Variants in EPM2A observed in about 807,000 individuals in gnomAD.
The protein encoded by EPM2A is EPM2A glucan phosphatase, laforin, also known as laforin.
Under a neutral mutation model 26.5 loss-of-function variants are expected in EPM2A, and 21 were observed. The ratio of observed to expected loss-of-function variants is 0.79; its 90% CI spans 0.56 to 1.14. The LOEUF is 1.14. Ranked by LOEUF, EPM2A falls within the 50% of genes most tolerant of loss-of-function variation. EPM2A has a pLI of 0.00. For synonymous variants in EPM2A, 217 were observed against 177.6 expected (o/e 1.22, Z -1.76); for missense variants, 458 against 440.8 (o/e 1.04, Z -0.35).
At chr6:145,492,300 G>A (rs1019035493) in intron 4 of EPM2A, among the ~76,000 whole-genome samples, 1 of 152,148 alleles carries the variant, frequency 6.6e-6, no homozygotes, top group Admixed American at 6.5e-5. Flanking sequence ...AGGAGCTGGG[G>A]TGAGTGCTTT....
chr6:145,547,843 G>T (rs984451920), intron 2 of EPM2A, among the ~76,000 whole-genome samples: 8 of 151,786 alleles, frequency 5.3e-5, no homozygotes, highest in Non-Finnish European at 8.8e-5. Flanking sequence ...CACTACCTTG[G>T]GTCATCAAGA....
chr6:145,734,824 G>T (rs118049119), intron 1 of EPM2A: 1,721 of 155,764 alleles, frequency 0.011, 16 homozygotes, highest in Admixed American at 0.017. Flanking sequence ...AGGGGCACTC[G>T]GAGGGCGAAG....
At chr6:145,662,062 G>GGA (rs1778755861) in intron 2 of EPM2A, among the ~76,000 whole-genome samples, 1 of 152,010 alleles carries the variant, frequency 6.6e-6, no homozygotes, top group Admixed American at 6.6e-5. Context: ...AAAGGAAATG[G>GGA]GTTTTTGAAA....
intron 1 of EPM2A, among the ~76,000 whole-genome samples, chr6:145,715,570 C>T (rs1002455611): frequency 2.6e-5 from 4 of 152,178 alleles, no homozygotes; most frequent in African/African-American, 9.7e-5. Context: ...GGAATCAGGT[C>T]ACACAGCAGG....
intron 1 of EPM2A, among the ~76,000 whole-genome samples, chr6:145,713,327 T>C (rs1335747702): frequency 4.6e-5 from 7 of 152,214 alleles, no homozygotes; most frequent in Non-Finnish European, 1.5e-5. Context: ...TTTAAAAACC[T>C]GGACCCTTTC....
intron 2 of EPM2A, among the ~76,000 whole-genome samples, chr6:145,548,772 T>C (rs1395727896): frequency 6.6e-6 from 1 of 152,082 alleles, no homozygotes; most frequent in African/African-American, 2.4e-5. Flanking sequence ...AGAGCTAAAC[T>C]CGGCTCTCAC....
intron 2 of EPM2A, 25 bp downstream of exon 2, chr6:145,686,097 C>T (rs985955792): frequency 2.5e-6 from 4 of 1,590,878 alleles, no homozygotes; most frequent in Non-Finnish European, 3.5e-6. Flanking sequence ...TACTTCTATG[C>T]CTATAAATAT....
chr6:145,618,560 G>A (rs1775564023), intron 2 of EPM2A, among the ~76,000 whole-genome samples: 1 of 152,176 alleles, frequency 6.6e-6, no homozygotes, highest in African/African-American at 2.4e-5. Flanking sequence ...GTTCTCATGA[G>A]ATCTGATGGT....
chr6:145,578,777 C>T (rs1781071700), intron 2 of EPM2A, among the ~76,000 whole-genome samples: 1 of 152,022 alleles, frequency 6.6e-6, no homozygotes, highest in South Asian at 2.1e-4. Flanking sequence ...ATGTAAACTC[C>T]ATGAAGTCAT....
intron 2 of EPM2A, among the ~76,000 whole-genome samples, chr6:145,515,967 G>A (rs1466128941): frequency 6.6e-6 from 1 of 152,160 alleles, no homozygotes; most frequent in East Asian, 1.9e-4. Context: ...TTTAAGGATT[G>A]CTAGACATTG....
chr6:145,452,681 T>G (rs1348408608), intron 4 of EPM2A, among the ~76,000 whole-genome samples: 2 of 25,070 alleles, frequency 8.0e-5, no homozygotes, highest in Admixed American at 5.9e-4. Context: ...AGAGCAAGAC[T>G]CTGTCTCAAA....
chr6:145,517,208 T>G (rs1300151748), intron 2 of EPM2A, among the ~76,000 whole-genome samples: 1 of 152,154 alleles, frequency 6.6e-6, no homozygotes, highest in Non-Finnish European at 1.5e-5. Context: ...AATGGGGAGT[T>G]GTTTTTCAAC....
At chr6:145,552,939 C>G (rs1780675236) in intron 2 of EPM2A, among the ~76,000 whole-genome samples, 1 of 151,988 alleles carries the variant, frequency 6.6e-6, no homozygotes, top group African/African-American at 2.4e-5. Flanking sequence ...AAGAAATTAA[C>G]CTTTATCTAA....
chr6:145,623,516 T>C (rs554341355), downstream of EPM2A, among the ~76,000 whole-genome samples: 21 of 151,636 alleles, frequency 1.4e-4, no homozygotes, highest in African/African-American at 3.6e-4. Context: ...TAGAGCAGAG[T>C]GAGAGAGGTG....
chr6:145,543,990 C>T (rs1780549681), intron 2 of EPM2A, among the ~76,000 whole-genome samples: 1 of 152,176 alleles, frequency 6.6e-6, no homozygotes, highest in Non-Finnish European at 1.5e-5. Context: ...TATAATTAAT[C>T]TTCCTAATTT....
chr6:145,680,932 G>C (rs1268490745), intron 2 of EPM2A, among the ~76,000 whole-genome samples: 1 of 151,258 alleles, frequency 6.6e-6, no homozygotes, highest in African/African-American at 2.4e-5. Flanking sequence ...GGGTCAAATG[G>C]TATTTCTAGT....
chr6:145,506,198 G>T (rs1227893236), intron 2 of EPM2A, among the ~76,000 whole-genome samples: 1 of 152,190 alleles, frequency 6.6e-6, no homozygotes, highest in Non-Finnish European at 1.5e-5. Flanking sequence ...GCAGAATATG[G>T]TGTATAATGT....
intron 1 of EPM2A, among the ~76,000 whole-genome samples, chr6:145,703,999 A>G (rs576988190): frequency 1.2e-4 from 18 of 152,356 alleles, no homozygotes; most frequent in Admixed American, 1.0e-3. Flanking sequence ...ACATTATTTT[A>G]AAATTGTCAT....
chr6:145,410,548 G>A (rs1688233240), intron 4 of EPM2A, among the ~76,000 whole-genome samples: 1 of 152,170 alleles, frequency 6.6e-6, no homozygotes, highest in Non-Finnish European at 1.5e-5. Flanking sequence ...GTTACTGCTG[G>A]AAGTTGTCAA....
Sources: gnomAD v4.1 joint callset for allele counts (sites outside exome capture counted in the v4.1 genomes callset) on GRCh38, gnomAD v4.1.1 for gene constraint, MANE v1.5 for transcripts, NCBI Gene and HGNC (gene_info 2026-07-23, HGNC 2026-07-21) for gene names.